Variants in GCLC observed in about 807,000 individuals in gnomAD.
GCLC encodes the protein glutamate-cysteine ligase catalytic subunit, also known as glutamate--cysteine ligase catalytic subunit.
GCLC carries 30 observed loss-of-function variants against 81.5 expected under a neutral mutation model. The ratio of observed to expected loss-of-function variants is 0.37; its 90% confidence interval spans 0.28 to 0.50. GCLC has a LOEUF of 0.50. Among genes scored for constraint, GCLC ranks in the 20% least tolerant of loss-of-function variants. The pLI is 0.96. For missense variants in GCLC, 556 were observed against 777.4 expected (o/e 0.72, Z 3.39); for synonymous variants, 262 against 273.3 (o/e 0.96, Z 0.41).
At chr6:53,502,922 T>C (rs1395020255) in intron 12 of GCLC, among the ~76,000 whole-genome samples, 1 of 152,254 alleles carries the variant, frequency 6.6e-6, no homozygotes, top group African/African-American at 2.4e-5. Flanking sequence ...ATCCTGTTTC[T>C]ATACTATTAA....
chr6:53,506,142 C>T lies in GCLC; in HGVS notation c.1198-247G>A. Reference sequence around the variant, plus strand: ...GCTTAATCTCACCCAGCTCCTACTCCCTATCTCCCAGCTACAGAGCAGCAT... The same window carrying T: ...GCTTAATCTCACCCAGCTCCTACTCTCTATCTCCCAGCTACAGAGCAGCAT... On this transcript the variant is annotated intron_variant, in intron 10 of 15. Transcript: ENST00000650454. The surrounding 1 kb of genome is among the most constrained non-coding windows in gnomAD (Gnocchi z 4.0). 6.8e-6 allele frequency: 3 copies of T among 443,300 alleles called. No homozygotes were observed. In the East Asian group the frequency reaches 1.5e-4, roughly 22 times the overall value. The allele number at this position is 443,300 out of a possible 1,614,324, so 27.5% of individuals were successfully genotyped here.
intron 3 of GCLC, among the ~76,000 whole-genome samples, chr6:53,519,811 A>G (rs888854264): frequency 6.6e-6 from 1 of 152,212 alleles, no homozygotes; most frequent in Non-Finnish European, 1.5e-5. Flanking sequence ...AGATGCTTCT[A>G]TAAATGTTAG....
chr6:53,519,854 G>A (rs966313300), intron 3 of GCLC, among the ~76,000 whole-genome samples: 2 of 152,014 alleles, frequency 1.3e-5, no homozygotes, highest in African/African-American at 2.4e-5. Context: ...CAACTATTTA[G>A]ATGTTACAGT....
At chr6:53,517,814 A>T (rs1221476517) in intron 3 of GCLC, among the ~76,000 whole-genome samples, 5 of 152,238 alleles carry the variant, frequency 3.3e-5, no homozygotes, top group African/African-American at 1.2e-4. Context: ...CCGATGTGGT[A>T]GTCACTAACC....
chr6:53,510,521 C>T (rs1320400386), intron 6 of GCLC: 1 of 151,338 alleles, frequency 6.6e-6, no homozygotes, highest in Non-Finnish European at 1.5e-5. Flanking sequence ...TTTGTTAGCA[C>T]ATTTGTAATA....
At chr6:53,526,371 G>A (rs1258225263) in intron 1 of GCLC, among the ~76,000 whole-genome samples, 1 of 152,168 alleles carries the variant, frequency 6.6e-6, no homozygotes, top group Non-Finnish European at 1.5e-5. Context: ...AAGTTTAAGG[G>A]TAAATACAAG....
intron 10 of GCLC, 31 bp from the exon 11 acceptor site, chr6:53,505,926 C>T: frequency 8.3e-7 from 1 of 1,205,848 alleles, no homozygotes; most frequent in Non-Finnish European, 1.2e-6. Flanking sequence ...AGAAAACCAA[C>T]TTTTCACACA....
chr6:53,508,613 C>G lies in GCLC; in HGVS notation c.927G>C (p.Arg309=). 1 of 1,608,046 alleles carries G rather than the reference C, an allele frequency of 6.2e-7. No homozygotes were observed. The highest frequency in any genetic ancestry group is 1.3e-5 in the African/African-American group (1 of 74,902). The change falls in exon 8 of 16, where the codon CGG becomes CGC. Residue 309 remains arginine (R), a synonymous_variant. Transcript: ENST00000650454. ...TTCCCACCTCCAGTCCTCGCTCCTC[C>G]CGAGTTCTATCATCTACAGATGCAG... ...VISASVDDRT[R]EERGLEPLKN...
Position 53,516,115 on chromosome 6 carries a change from C to T in GCLC, c.554G>A (p.Arg185His), listed in dbSNP as rs1764865855. ...AACACAAAGCCATACTCACCTGAAG[C>T]GAGGGTGCTTGTTTATTGCTTCATC... Reference protein sequence around the residue: ...FPDEAINKHPRFSTLTRNIRH... With the variant: ...FPDEAINKHPHFSTLTRNIRH... Residue 185 changes from arginine to histidine, a missense_variant, in exon 4 of 16, where the codon CGC becomes CAC. Coordinates refer to ENST00000650454, the MANE Select transcript of GCLC (RefSeq NM_001498.4). 3 of 1,591,610 alleles carry T rather than the reference C, an allele frequency of 1.9e-6. No homozygotes were observed. The highest frequency in any genetic ancestry group is 2.6e-6 in the Non-Finnish European group (3 of 1,159,600).
In GCLC at chr6:53,516,141, T is replaced by C. The variant is rs34307437; in HGVS notation, c.528A>G (p.Pro176=). ...GAGGGTGCTTGTTTATTGCTTCATC[T>C]GGAAAGAAGAGGGACTTGGAAGCTC... is the stretch of plus-strand genomic sequence containing the variant. The part of the protein sequence containing the change: ...EGGASKSLFF[P]DEAINKHPRF... Residue 176 remains proline (P), a synonymous_variant, in exon 4 of 16, where the codon CCA becomes CCG. Transcript: ENST00000650454. 2,806 of 1,613,354 alleles carry C rather than the reference T, an allele frequency of 1.7e-3. 41 individuals are homozygous for C. The African/African-American group carries it at 0.033, about 19-fold the overall frequency.
chr6:53,502,546 T>C (rs1378069282), intron 12 of GCLC, among the ~76,000 whole-genome samples: 2 of 152,236 alleles, frequency 1.3e-5, no homozygotes, highest in African/African-American at 2.4e-5. Context: ...TTTCACATCA[T>C]CTTGGAAGAA....
At chr6:53,503,421 C>A (rs1418024306) in intron 12 of GCLC, 1 of 152,198 alleles carries the variant, frequency 6.6e-6, no homozygotes, top group Non-Finnish European at 1.5e-5. Context: ...GATAAGACTT[C>A]TGGCATACTT....
At chr6:53,515,592 G>A (rs84933) in intron 4 of GCLC, among the ~76,000 whole-genome samples, 67,316 of 152,046 alleles carry the variant, frequency 0.44, 15,293 homozygotes, top group Admixed American at 0.57. Flanking sequence ...CTAAGATCAG[G>A]CTAGTGAGAG....
At position 53,521,802 on chromosome 6, in the gene GCLC, G is replaced by A. The variant is rs967708097; in HGVS notation, c.263+613C>T. Among the ~76,000 whole-genome samples, 8 of 152,132 alleles carry A rather than the reference G, an allele frequency of 5.3e-5. No homozygotes were observed. The South Asian group carries it at 8.3e-4, about 16-fold the overall frequency. On this transcript the variant is annotated intron_variant, in intron 2 of 15. Coordinates refer to ENST00000650454, the MANE Select transcript of GCLC (RefSeq NM_001498.4). Reference sequence around the variant, plus strand: ...TCCTGGCTAACACGGTGAAACCCCCGTCTCTACTAAAAATACAAAAAATTA... The same window carrying A: ...TCCTGGCTAACACGGTGAAACCCCCATCTCTACTAAAAATACAAAAAATTA...
intron 3 of GCLC, among the ~76,000 whole-genome samples, chr6:53,516,493 C>T (rs991651615): frequency 3.3e-5 from 5 of 152,194 alleles, no homozygotes; most frequent in East Asian, 1.9e-4. Flanking sequence ...AGCACTTACT[C>T]GGGTCCTCTC....
chr6:53,527,992 C>T (rs544506537), intron 1 of GCLC, among the ~76,000 whole-genome samples: 6 of 152,288 alleles, frequency 3.9e-5, no homozygotes, highest in African/African-American at 1.4e-4. Context: ...GGACTCAATG[C>T]CTTCTGCCCA....
chr6:53,538,919 G>A (rs1763305040), intron 1 of GCLC, among the ~76,000 whole-genome samples: 1 of 152,128 alleles, frequency 6.6e-6, no homozygotes, highest in South Asian at 2.1e-4. Context: ...GAAATTCAAT[G>A]AAATTTATGA....
rs1764419328 is a variant in GCLC at position 53,498,435 on chromosome 6, A to G, written c.*321T>C. The G allele has an allele frequency of 1.0e-5, 3 of 293,860 alleles. No homozygotes were observed. Among genetic ancestry groups the G allele is most frequent in the Non-Finnish European group, 1.9e-5 (3 of 156,218 alleles). The allele number at this position is 293,860 out of a possible 1,614,324, so 18.2% of individuals were successfully genotyped here. On this transcript the variant is annotated 3_prime_UTR_variant, in exon 16 of 16. Coordinates refer to ENST00000650454, the MANE Select transcript of GCLC (RefSeq NM_001498.4). ...TTTAACTCTGGAATGCAAGTATTGT[A>G]CAATTACCAGTACATTTACAAAACT...
At chr6:53,514,571 C>A (rs749249044) in intron 4 of GCLC, 74 bp from the exon 5 acceptor site, 1 of 1,020,674 alleles carries the variant, frequency 9.8e-7, no homozygotes, top group South Asian at 1.3e-5. Context: ...TGATTACATA[C>A]AAGTAAGTGG....
Sources: gnomAD v4.1 joint callset for allele counts (sites outside exome capture counted in the v4.1 genomes callset) on GRCh38, gnomAD v4.1.1 for gene constraint, Gnocchi (gnomAD v3.1) non-coding constraint, MANE v1.5 for transcripts, NCBI Gene and HGNC (gene_info 2026-07-23, HGNC 2026-07-21) for gene names.